The following LRP1B variants were observed in gnomAD, a reference collection of about 807,000 sequenced individuals.
LRP1B encodes low-density lipoprotein receptor-related protein 1B.
In LRP1B, 217 loss-of-function variants were observed where a neutral mutation model predicts 556.6. The observed-to-expected ratio is 0.39, with a 90% CI of 0.35 to 0.44. The LOEUF (loss-of-function observed/expected upper bound fraction) is 0.44. Among genes scored for constraint, LRP1B ranks in the 20% least tolerant of loss-of-function variants. The probability of loss-of-function intolerance (pLI) is 1.00; values close to 1 mark genes in which losing one functional copy is unlikely to be tolerated. For missense variants in LRP1B, 5,053 were observed against 5,620.8 expected, an observed-to-expected ratio of 0.90 and a Z score of 3.23; for synonymous variants, 2,047 against 1,865.8, an observed-to-expected ratio of 1.10 and a Z score of -2.50.
chr2:140,647,583 G>A (rs1407875714), intron 41 of LRP1B, among the ~76,000 whole-genome samples: 1 of 152,178 alleles, frequency 6.6e-6, no homozygotes. Flanking sequence ...GTCTAACCAT[G>A]CACTGGGCAC....
intron 31 of LRP1B, among the ~76,000 whole-genome samples, chr2:140,836,662 G>C (rs531613250): frequency 1.3e-5 from 2 of 152,152 alleles, no homozygotes; most frequent in South Asian, 4.1e-4. Flanking sequence ...TCTTCTTGTG[G>C]GTGTCTAAAA....
intron 6 of LRP1B, among the ~76,000 whole-genome samples, chr2:141,224,071 G>T (rs985327476): frequency 4.6e-5 from 7 of 151,982 alleles, no homozygotes; most frequent in Admixed American, 4.6e-4. Flanking sequence ...CACAGTAAAA[G>T]AAACTATCAT....
intron 2 of LRP1B, among the ~76,000 whole-genome samples, chr2:141,743,501 C>CT (rs796287062): frequency 0.04 from 4,756 of 118,216 alleles, 135 homozygotes; most frequent in Non-Finnish European, 0.059. Flanking sequence ...TTTTTTTTTT[C>CT]TTTTTTTTTT....
intron 1 of LRP1B, among the ~76,000 whole-genome samples, chr2:142,057,415 A>G (rs1704716515): frequency 6.6e-6 from 1 of 152,144 alleles, no homozygotes; most frequent in African/African-American, 2.4e-5. Context: ...ATGTGCAAGA[A>G]GATGGGGGTC....
At chr2:140,767,231 T>A (rs1289825902) in intron 35 of LRP1B, among the ~76,000 whole-genome samples, 1 of 152,016 alleles carries the variant, frequency 6.6e-6, no homozygotes, top group Non-Finnish European at 1.5e-5. Flanking sequence ...TCTTGAACAT[T>A]CTACCTACAT....
intron 1 of LRP1B, among the ~76,000 whole-genome samples, chr2:141,858,879 A>T (rs745430921): frequency 6.6e-6 from 1 of 152,180 alleles, no homozygotes; most frequent in Non-Finnish European, 1.5e-5. Context: ...AATTATTATT[A>T]TCAATTAAAA....
rs548010530 is a variant in LRP1B at position 140,731,988 on chromosome 2, T to A, written c.5759-15172A>T. On this transcript the variant is annotated intron_variant, in intron 35 of 90. Coordinates refer to ENST00000389484, the MANE Select transcript of LRP1B (RefSeq NM_018557.3). ...AGCAAAGCAATTTTGTAACTCTGAA[T>A]ACTTAAAATTACAAAAAATGTTTGG... is the stretch of plus-strand genomic sequence containing the variant. Among the ~76,000 whole-genome samples the A allele has an allele frequency of 7.4e-4, 112 of 152,234 alleles. No homozygotes were observed. The South Asian group carries it at 0.018, about 24-fold the overall frequency.
intron 30 of LRP1B, 57 bp from the exon 31 acceptor site, chr2:140,840,142 A>G: frequency 1.1e-6 from 1 of 936,310 alleles, no homozygotes; most frequent in Non-Finnish European, 1.6e-6. Flanking sequence ...CTCACTGAGA[A>G]GAAATATACA....
intron 3 of LRP1B, among the ~76,000 whole-genome samples, chr2:141,462,049 C>T (rs1003175329): frequency 2.6e-5 from 4 of 152,194 alleles, no homozygotes; most frequent in Non-Finnish European, 5.9e-5. Flanking sequence ...TCTCCAGAAC[C>T]AATTTGTCAG....
intron 2 of LRP1B, among the ~76,000 whole-genome samples, chr2:141,595,202 G>C (rs890456278): frequency 3.3e-5 from 5 of 152,038 alleles, no homozygotes; most frequent in African/African-American, 1.2e-4. Flanking sequence ...CATTAGTGAA[G>C]TTAAATGTTG....
intron 3 of LRP1B, among the ~76,000 whole-genome samples, chr2:141,417,811 G>C (rs553440949): frequency 6.8e-6 from 1 of 147,634 alleles, no homozygotes; most frequent in South Asian, 2.1e-4. Flanking sequence ...TAGGAGCTGA[G>C]AGAGTTTACA....
chr2:140,851,544 A>G, intron 28 of LRP1B, 108 bp downstream of exon 28: 2 of 1,289,682 alleles, frequency 1.6e-6, no homozygotes, highest in Non-Finnish European at 2.1e-6. Context: ...TTTTGAAAAC[A>G]GAAAAAAAAA....
chr2:141,983,262 T>TACTC (rs548853950), intron 1 of LRP1B, among the ~76,000 whole-genome samples: 65 of 152,166 alleles, frequency 4.3e-4, no homozygotes, highest in Non-Finnish European at 7.4e-4. Flanking sequence ...CTTTCTCTGC[T>TACTC]ACTCACACAC....
At chr2:142,059,471 A>G (rs1704815281) in intron 1 of LRP1B, among the ~76,000 whole-genome samples, 1 of 152,106 alleles carries the variant, frequency 6.6e-6, no homozygotes, top group Non-Finnish European at 1.5e-5. Flanking sequence ...AGAACTTAGT[A>G]TAGATGGTAC....
At chr2:141,795,589 A>G (rs904162104) in intron 2 of LRP1B, among the ~76,000 whole-genome samples, 2 of 151,958 alleles carry the variant, frequency 1.3e-5, no homozygotes, top group Non-Finnish European at 2.9e-5. Flanking sequence ...AAAAAGGTTT[A>G]AAACTATATT....
intron 2 of LRP1B, among the ~76,000 whole-genome samples, chr2:141,604,097 T>A (rs897387254): frequency 6.6e-6 from 1 of 152,204 alleles, no homozygotes; most frequent in Admixed American, 6.5e-5. Flanking sequence ...AAACAACTTC[T>A]GTGTATGAAA....
At chr2:141,021,434 A>G (rs770359630) in intron 11 of LRP1B, among the ~76,000 whole-genome samples, 13 of 152,036 alleles carry the variant, frequency 8.6e-5, no homozygotes, top group Non-Finnish European at 1.6e-4. Context: ...ACCATCCAAT[A>G]TAAGTAATTT....
intron 1 of LRP1B, among the ~76,000 whole-genome samples, chr2:141,848,766 G>A (rs2105771008): frequency 6.6e-6 from 1 of 151,484 alleles, no homozygotes; most frequent in Non-Finnish European, 1.5e-5. Context: ...CATGCAGGGA[G>A]GGCAATGTGA....
intron 11 of LRP1B, among the ~76,000 whole-genome samples, chr2:141,025,638 C>A (rs1372556638): frequency 6.6e-6 from 1 of 152,060 alleles, no homozygotes; most frequent in Non-Finnish European, 1.5e-5. Flanking sequence ...AACATCAGCT[C>A]TTTTTGGGTC....
Sources: allele counts gnomAD v4.1 joint callset (sites outside exome capture counted in the v4.1 genomes callset), GRCh38; gene constraint gnomAD v4.1.1; transcripts MANE v1.5; gene names NCBI Gene and HGNC (gene_info 2026-07-23, HGNC 2026-07-21).